The following MAML3 variants were observed in gnomAD, a reference collection of about 807,000 sequenced individuals.
The protein encoded by MAML3 is mastermind like transcriptional coactivator 3.
In MAML3, 27 loss-of-function variants were observed where a neutral mutation model predicts 101.9. The ratio of observed to expected loss-of-function variants is 0.27; its 90% CI spans 0.20 to 0.37. MAML3 has a LOEUF of 0.37. Among genes scored for constraint, MAML3 ranks in the 10% least tolerant of loss-of-function variants. MAML3 has a pLI of 1.00. For synonymous variants in MAML3, 501 were observed against 555.9 expected, an observed-to-expected ratio of 0.90 and a Z score of 1.39; for missense variants, 1,316 against 1,444.9, an observed-to-expected ratio of 0.91 and a Z score of 1.45.
chr4:139,839,407 A>G (rs765537904), intron 2 of MAML3, among the ~76,000 whole-genome samples: 49 of 152,102 alleles, frequency 3.2e-4, no homozygotes, highest in Non-Finnish European at 7.1e-4. Flanking sequence ...CACCTTCTCA[A>G]ATACAAATCA....
intron 1 of MAML3, among the ~76,000 whole-genome samples, chr4:139,987,051 T>A (rs1433629275): frequency 6.6e-6 from 1 of 152,132 alleles, no homozygotes; most frequent in East Asian, 1.9e-4. Flanking sequence ...TTAGAAAAGG[T>A]TTGGGCTGTG....
At chr4:140,069,441 AAGG>A (rs1214430311) in intron 1 of MAML3, among the ~76,000 whole-genome samples, 5 of 85,296 alleles carry the variant, frequency 5.9e-5, no homozygotes, top group Non-Finnish European at 9.8e-5. Flanking sequence ...GAAGGAGGAG[AAGG>A]AGGAGAAGGA....
At chr4:140,116,848 T>C (rs1728526236) in intron 1 of MAML3, among the ~76,000 whole-genome samples, 1 of 152,146 alleles carries the variant, frequency 6.6e-6, no homozygotes, top group Non-Finnish European at 1.5e-5. Context: ...TCCATCTCCC[T>C]TCACAGATGA....
chr4:139,824,374 T>A (rs1731024343), intron 2 of MAML3, among the ~76,000 whole-genome samples: 1 of 152,174 alleles, frequency 6.6e-6, no homozygotes. Context: ...AAAAATAGAA[T>A]CAAACCCAAG....
intron 1 of MAML3, among the ~76,000 whole-genome samples, chr4:139,980,090 C>T (rs970485113): frequency 1.3e-5 from 2 of 152,130 alleles, no homozygotes; most frequent in African/African-American, 2.4e-5. Context: ...TTTATGCATT[C>T]GGCATCTTCC....
intron 2 of MAML3, among the ~76,000 whole-genome samples, chr4:139,741,894 C>T (rs1003267830): frequency 1.6e-4 from 25 of 152,036 alleles, no homozygotes; most frequent in Admixed American, 1.6e-3. Context: ...TTTAAAACGC[C>T]CTATTGTCAT....
intron 2 of MAML3, among the ~76,000 whole-genome samples, chr4:139,745,595 C>T (rs1400436655): frequency 6.6e-6 from 1 of 152,176 alleles, no homozygotes; most frequent in East Asian, 1.9e-4. Context: ...TGGGATCCCA[C>T]CTCCTCCCAC....
At chr4:139,720,693 T>C (rs893804190) in intron 4 of MAML3, among the ~76,000 whole-genome samples, 1 of 152,246 alleles carries the variant, frequency 6.6e-6, no homozygotes, top group African/African-American at 2.4e-5. Flanking sequence ...TTGTTTATAC[T>C]TCAGAAGCAA....
chr4:139,764,178 A>G (rs565175307), intron 2 of MAML3, among the ~76,000 whole-genome samples: 41 of 152,346 alleles, frequency 2.7e-4, no homozygotes, highest in East Asian at 1.9e-3. Flanking sequence ...AAGACACTGC[A>G]TACCTGGATC....
intron 2 of MAML3, among the ~76,000 whole-genome samples, chr4:139,808,276 G>A (rs1028678777): frequency 1.6e-4 from 24 of 152,200 alleles, no homozygotes; most frequent in African/African-American, 5.6e-4. Context: ...GTGTGTGCCT[G>A]GGGGAGCCCC....
At position 139,735,928 on chromosome 4, in the gene MAML3, C is replaced by T. The variant is rs1728924255; in HGVS notation, c.2080-5261G>A. Among the ~76,000 whole-genome samples, 1 of 152,104 alleles carries T rather than the reference C, an allele frequency of 6.6e-6. No individual in the cohort carries two copies. The highest frequency in any genetic ancestry group is 1.5e-5 in the Non-Finnish European group (1 of 68,002). ...CGGCCCGCGCGCGCCGCTCGGGAGC[C>T]CGCGAGGCTGCGGTGTGCTCCAGCG... On this transcript the variant is annotated intron_variant, in intron 2 of 4. Transcript: ENST00000509479. The surrounding 1 kb of genome is among the most constrained non-coding windows in gnomAD (Gnocchi z 5.8).
chr4:140,089,079 A>C (rs1728003547), intron 1 of MAML3, among the ~76,000 whole-genome samples: 1 of 152,220 alleles, frequency 6.6e-6, no homozygotes, highest in Admixed American at 6.5e-5. Flanking sequence ...TTGAAAAGAA[A>C]TTATTGTAAA....
intron 2 of MAML3, among the ~76,000 whole-genome samples, chr4:139,769,680 A>C (rs1416611930): frequency 6.6e-6 from 1 of 150,998 alleles, no homozygotes; most frequent in Admixed American, 6.6e-5. Flanking sequence ...CAGTGGTGTG[A>C]TCTTGGCTCA....
At chr4:140,066,045 C>G (rs1727531960) in intron 1 of MAML3, among the ~76,000 whole-genome samples, 1 of 152,096 alleles carries the variant, frequency 6.6e-6, no homozygotes, top group South Asian at 2.1e-4. Flanking sequence ...GGTGACTGAC[C>G]CACACACAAT....
intron 3 of MAML3, among the ~76,000 whole-genome samples, chr4:139,729,156 C>CAAAAAAAAAAAAAAAAAAAAAAA (rs4057275): frequency 1.2e-5 from 1 of 81,704 alleles, no homozygotes; most frequent in Non-Finnish European, 2.3e-5. Context: ...GGAACAAAAG[C>CAAAAAAAAAAAAAAAAAAAAAAA]AAAAAAAAAA....
chr4:140,060,365 C>CAAAAAAAAAAA (rs70943471), intron 1 of MAML3, among the ~76,000 whole-genome samples: 6,060 of 19,024 alleles, frequency 0.32, 2,533 homozygotes, highest in East Asian at 0.43. Context: ...GACTCTGTCT[C>CAAAAAAAAAAA]AAAAAAAAAA....
chr4:139,719,318 C>G lies in MAML3; in HGVS notation c.*5G>C, dbSNP rs764660148. 44 of 1,562,238 alleles carry G rather than the reference C, an allele frequency of 2.8e-5. 1 individual carries two copies. The East Asian group carries it at 9.7e-4, about 34-fold the overall frequency. ...TCGAGTTGTGGATCTTGGGGCCTCT[C>G]TTGATTAGGGGTTACCAAACAATTC... On this transcript the variant is annotated 3_prime_UTR_variant, in exon 5 of 5. Coordinates refer to ENST00000509479, the MANE Select transcript of MAML3 (RefSeq NM_018717.5).
At chr4:140,150,614 T>C (rs1330340611) in intron 1 of MAML3, among the ~76,000 whole-genome samples, 3 of 152,176 alleles carry the variant, frequency 2.0e-5, no homozygotes, top group Non-Finnish European at 2.9e-5. Context: ...AAGGAGCCCA[T>C]TTCTCCGCAA....
At chr4:139,872,073 A>AT (rs1462000918) in intron 2 of MAML3, among the ~76,000 whole-genome samples, 4 of 152,254 alleles carry the variant, frequency 2.6e-5, no homozygotes, top group Non-Finnish European at 5.9e-5. Context: ...AGGCACATGC[A>AT]TTTACCTAAT....
Sources: gnomAD v4.1 joint callset for allele counts (sites outside exome capture counted in the v4.1 genomes callset) on GRCh38, gnomAD v4.1.1 for gene constraint, Gnocchi (gnomAD v3.1) non-coding constraint, MANE v1.5 for transcripts, NCBI Gene and HGNC (gene_info 2026-07-23, HGNC 2026-07-21) for gene names.